Variants in PRR16 observed in about 807,000 individuals in gnomAD.
PRR16 encodes the protein proline rich 16.
In PRR16, 6 loss-of-function variants were observed where a neutral mutation model predicts 18.2. That is an observed-to-expected ratio of 0.33 (90% CI 0.18 to 0.65). The LOEUF (loss-of-function observed/expected upper bound fraction) is 0.65, where lower values mean the gene tolerates loss of function less well. Ranked by LOEUF, PRR16 falls within the 30% of genes least tolerant of loss-of-function variation. The pLI, the probability that PRR16 is intolerant of heterozygous loss-of-function variation, is 0.74. For synonymous variants in PRR16, 151 were observed against 147.8 expected, an observed-to-expected ratio of 1.02 and a Z score of -0.16; for missense variants, 412 against 376.6, an observed-to-expected ratio of 1.09 and a Z score of -0.78.
chr5:120,746,170 C>T, the PRR16 span, among the ~76,000 whole-genome samples: 1 of 151,022 alleles, frequency 6.6e-6, no homozygotes, highest in Admixed American at 6.6e-5. Flanking sequence ...TCCTTCGGAT[C>T]ATTTCCATAC....
intron 1 of PRR16, among the ~76,000 whole-genome samples, chr5:120,679,399 A>T (rs936879009): frequency 4.6e-5 from 7 of 152,070 alleles, no homozygotes; most frequent in Non-Finnish European, 7.4e-5. Flanking sequence ...TTTAATTTCT[A>T]TCATGCCTGT....
the PRR16 span, among the ~76,000 whole-genome samples, chr5:120,747,752 G>A: frequency 6.6e-6 from 1 of 151,732 alleles, no homozygotes; most frequent in South Asian, 2.1e-4. Context: ...GGAAGGAAGA[G>A]AAAGATGAAG....
intron 1 of PRR16, among the ~76,000 whole-genome samples, chr5:120,590,990 G>T (rs1055316018): frequency 6.6e-6 from 1 of 151,862 alleles, no homozygotes; most frequent in Non-Finnish European, 1.5e-5. Context: ...TTAAATAATT[G>T]TACTGTAGGC....
chr5:120,558,265 A>G (rs1752477023), intron 1 of PRR16, among the ~76,000 whole-genome samples: 1 of 151,788 alleles, frequency 6.6e-6, no homozygotes. Flanking sequence ...TTTTGTACCA[A>G]TTAACCATCC....
chr5:120,780,804 G>T, the PRR16 span, among the ~76,000 whole-genome samples: 1 of 152,120 alleles, frequency 6.6e-6, no homozygotes, highest in African/African-American at 2.4e-5. Flanking sequence ...TAATCCCGGC[G>T]CTCTGGGAGG....
chr5:120,526,804 G>A (rs189226069), intron 1 of PRR16, among the ~76,000 whole-genome samples: 14 of 152,140 alleles, frequency 9.2e-5, no homozygotes, highest in African/African-American at 3.4e-4. Flanking sequence ...TCACCATGTT[G>A]GCCAGGATGG....
At chr5:120,530,863 T>A (rs1751528555) in intron 1 of PRR16, among the ~76,000 whole-genome samples, 1 of 152,194 alleles carries the variant, frequency 6.6e-6, no homozygotes, top group Non-Finnish European at 1.5e-5. Flanking sequence ...AGACAATCCC[T>A]GCTACCAAAA....
intron 1 of PRR16, among the ~76,000 whole-genome samples, chr5:120,664,158 G>T (rs1756276146): frequency 1.3e-5 from 2 of 151,998 alleles, no homozygotes; most frequent in South Asian, 2.1e-4. Flanking sequence ...AATTAGCTGG[G>T]TATGGTGGCA....
At chr5:120,607,949 T>TATC (rs775634300) in intron 1 of PRR16, among the ~76,000 whole-genome samples, 50 of 152,196 alleles carry the variant, frequency 3.3e-4, no homozygotes, top group Non-Finnish European at 6.0e-4. Flanking sequence ...TACTCTTTTA[T>TATC]ATCTTTGAAT....
chr5:120,543,698 G>T (rs1751987087), intron 1 of PRR16, among the ~76,000 whole-genome samples: 1 of 152,068 alleles, frequency 6.6e-6, no homozygotes, highest in Non-Finnish European at 1.5e-5. Flanking sequence ...CATTACATTG[G>T]CTTTGTTATG....
At chr5:120,497,384 ATTTTTTTTTTT>A (rs765496177) in intron 1 of PRR16, among the ~76,000 whole-genome samples, 2 of 84,178 alleles carry the variant, frequency 2.4e-5, no homozygotes, top group African/African-American at 1.1e-4. Context: ...TGATGAACTG[ATTTTTTTTTTT>A]TTTTTTTTTT....
At chr5:120,720,630 G>C in the PRR16 span, among the ~76,000 whole-genome samples, 1 of 151,912 alleles carries the variant, frequency 6.6e-6, no homozygotes, top group Non-Finnish European at 1.5e-5. Context: ...CCTACTTTTT[G>C]ATGAGGAGAT....
At chr5:120,502,905 G>T (rs757985142) in intron 1 of PRR16, among the ~76,000 whole-genome samples, 10 of 152,106 alleles carry the variant, frequency 6.6e-5, no homozygotes, top group Non-Finnish European at 1.3e-4. Context: ...GGAGGCAAAT[G>T]AGCTCCTTTG....
At chr5:120,497,331 C>G (rs1160054210) in intron 1 of PRR16, among the ~76,000 whole-genome samples, 1 of 130,780 alleles carries the variant, frequency 7.6e-6, no homozygotes, top group African/African-American at 3.0e-5. Context: ...TTTTTTTTTT[C>G]TCGTTTTCCT....
chr5:120,732,480 C>T, the PRR16 span, among the ~76,000 whole-genome samples: 1 of 152,030 alleles, frequency 6.6e-6, no homozygotes, highest in Admixed American at 6.6e-5. Flanking sequence ...TTTTTCCCTA[C>T]CTGATGCAGT....
At chr5:120,531,208 T>G (rs1218273248) in intron 1 of PRR16, among the ~76,000 whole-genome samples, 2 of 152,108 alleles carry the variant, frequency 1.3e-5, no homozygotes, top group African/African-American at 2.4e-5. Context: ...AATATAACAT[T>G]TTTTCCCTCT....
intron 1 of PRR16, among the ~76,000 whole-genome samples, chr5:120,629,700 AC>A (rs1754991410): frequency 6.6e-6 from 1 of 151,960 alleles, no homozygotes; most frequent in African/African-American, 2.4e-5. Context: ...TTAAAATACA[AC>A]CTTTAGTTCT....
intron 1 of PRR16, among the ~76,000 whole-genome samples, chr5:120,553,381 T>C (rs1752316678): frequency 2.0e-5 from 3 of 151,924 alleles, no homozygotes; most frequent in Admixed American, 1.3e-4. Flanking sequence ...ACACATAATC[T>C]TTCCAAATAA....
At chr5:120,602,426 C>A (rs1754014371) in intron 1 of PRR16, among the ~76,000 whole-genome samples, 1 of 152,012 alleles carries the variant, frequency 6.6e-6, no homozygotes, top group African/African-American at 2.4e-5. Context: ...TATTAGGAAT[C>A]TTTACTGAAG....
Sources: allele counts gnomAD v4.1 joint callset (sites outside exome capture counted in the v4.1 genomes callset), GRCh38; gene constraint gnomAD v4.1.1; transcripts MANE v1.5; gene names NCBI Gene and HGNC (gene_info 2026-07-23, HGNC 2026-07-21).